The following KDM3A variants were observed in gnomAD, a reference collection of about 807,000 sequenced individuals.
KDM3A encodes lysine demethylase 3A.
KDM3A carries 60 observed loss-of-function variants against 158.0 expected under a neutral mutation model. The ratio of observed to expected loss-of-function variants is 0.38; its 90% CI spans 0.31 to 0.47. The LOEUF (loss-of-function observed/expected upper bound fraction) is 0.47, where lower values mean the gene tolerates loss of function less well. Among genes scored for constraint, KDM3A ranks in the 20% least tolerant of loss-of-function variants. The pLI, the probability that KDM3A is intolerant of heterozygous loss-of-function variation, is 0.99. For synonymous variants in KDM3A, 608 were observed against 549.3 expected (o/e 1.11, Z -1.49); for missense variants, 1,319 against 1,574.3 (o/e 0.84, Z 2.74).
At chr2:86,456,348 A>G (rs1341359592) in intron 5 of KDM3A, 94 bp from the exon 6 acceptor site, 1 of 942,290 alleles carries the variant, frequency 1.1e-6, no homozygotes, top group African/African-American at 1.7e-5. Flanking sequence ...GCGTTTTTTT[A>G]AAAAAGACTT....
At chr2:86,449,376 T>TG (rs1297218604) in intron 2 of KDM3A, among the ~76,000 whole-genome samples, 8 of 152,188 alleles carry the variant, frequency 5.3e-5, no homozygotes, top group African/African-American at 1.4e-4. Context: ...ATTGTGGTGA[T>TG]GGGGGGTCAT....
chr2:86,461,924 A>G (rs1279544961), intron 8 of KDM3A, among the ~76,000 whole-genome samples: 2 of 152,116 alleles, frequency 1.3e-5, no homozygotes, highest in East Asian at 1.9e-4. Context: ...CAGGAGTGGT[A>G]AGGAGACTGG....
chr2:86,466,759 T>C lies in KDM3A; in HGVS notation c.1395T>C (p.Asn465=), dbSNP rs776325230. The part of the protein sequence containing the change: ...VKAGVNSDSP[N]NCSGKKVEPS... ...CAGGTGTCAATAGTGATAGCCCTAA[T>C]AACTGTTCAGGAAAAAAGGTAGAAC... is the stretch of plus-strand genomic sequence containing the variant. Residue 465 remains asparagine (N), a synonymous_variant, in exon 10 of 26, where the codon AAT becomes AAC. Coordinates refer to ENST00000312912, the MANE Select transcript of KDM3A (RefSeq NM_018433.6). 3.1e-6 allele frequency: 5 copies of C among 1,613,730 alleles called. No individual in the cohort carries two copies. The highest frequency in any genetic ancestry group is 4.2e-6 in the Non-Finnish European group (5 of 1,179,844).
In KDM3A at chr2:86,474,956, T is replaced by G; in HGVS notation, c.1905T>G (p.Ser635=). 1 of 1,614,106 alleles carries G rather than the reference T, an allele frequency of 6.2e-7. No individual in the cohort carries two copies. Among genetic ancestry groups the G allele is most frequent in the South Asian group, 1.1e-5 (1 of 91,084 alleles). ...IGDHFCQMVI[S]EKEAMSTIEP... ...ACCACTTCTGTCAAATGGTGATTTC[T>G]GAAAAGGAAGCTATGTCAACTATTG... is the stretch of plus-strand genomic sequence containing the variant. Residue 635 remains serine (S), a synonymous_variant, in exon 12 of 26, where the codon TCT becomes TCG. Coordinates refer to ENST00000312912, the MANE Select transcript of KDM3A (RefSeq NM_018433.6).
At chr2:86,449,498 T>G (rs947773814) in intron 2 of KDM3A, among the ~76,000 whole-genome samples, 2 of 152,214 alleles carry the variant, frequency 1.3e-5, no homozygotes. Flanking sequence ...GTCTAATTAA[T>G]GTATGTAAAC....
At chr2:86,450,623 T>C (rs1468061860) in intron 3 of KDM3A, among the ~76,000 whole-genome samples, 1 of 152,184 alleles carries the variant, frequency 6.6e-6, no homozygotes, top group East Asian at 1.9e-4. Flanking sequence ...AGGTTGGATC[T>C]GGATAGTTTG....
At chr2:86,461,788 G>A (rs999035486) in intron 8 of KDM3A, among the ~76,000 whole-genome samples, 12 of 152,178 alleles carry the variant, frequency 7.9e-5, no homozygotes, top group African/African-American at 2.9e-4. Context: ...GATGTAGCCA[G>A]AGAGATAACA....
upstream of KDM3A, among the ~76,000 whole-genome samples, chr2:86,439,492 T>TC (rs1470241200): frequency 5.9e-5 from 9 of 152,088 alleles, no homozygotes; most frequent in Non-Finnish European, 8.8e-5. Flanking sequence ...TGGATATCTT[T>TC]CCATCTTTTC....
In KDM3A at chr2:86,442,029, TC is replaced by T. The variant is rs778182326; in HGVS notation, c.-17del. 4 of 1,613,342 alleles carry T rather than the reference TC, an allele frequency of 2.5e-6. No individual in the cohort carries two copies. The highest frequency in any genetic ancestry group is 1.1e-5 in the South Asian group (1 of 91,054). On this transcript the variant is annotated 5_prime_UTR_variant, in exon 2 of 26. Transcript: ENST00000312912. ...TTGTGTTTTTGCAGGGAGGAGCTCT[TC>T]CTGCAGGCGTGGAAACCATGGTGCT... is the stretch of plus-strand genomic sequence containing the variant.
At chr2:86,468,064 T>C (rs1673236879) in intron 10 of KDM3A, among the ~76,000 whole-genome samples, 1 of 152,144 alleles carries the variant, frequency 6.6e-6, no homozygotes, top group Non-Finnish European at 1.5e-5. Context: ...GAAAACAATT[T>C]ATTTATTTGG....
At position 86,464,127 on chromosome 2, in the gene KDM3A, G is replaced by A. The variant is rs12714187; in HGVS notation, c.918G>A (p.Ala306=). The change falls in exon 9 of 26, where the codon GCG becomes GCA. Residue 306 remains alanine (A), a synonymous_variant. Transcript: ENST00000312912. ...VFKEILLGCT[A]ATPPSKDPRQ... ...AGGAGATACTGCTTGGCTGTACTGCGGCAACTCCACCTAGTAAGGACCCAA... is the reference window on the plus strand; with the variant it reads ...AGGAGATACTGCTTGGCTGTACTGCAGCAACTCCACCTAGTAAGGACCCAA... 1,224,114 of 1,611,464 alleles carry A rather than the reference G, an allele frequency of 0.76. 469,000 individuals carry two copies. Among genetic ancestry groups the A allele is most frequent in the East Asian group, 0.96 (42,852 of 44,846 alleles).
At chr2:86,458,206 T>A (rs940295813) in intron 8 of KDM3A, among the ~76,000 whole-genome samples, 1 of 152,204 alleles carries the variant, frequency 6.6e-6, no homozygotes, top group African/African-American at 2.4e-5. Flanking sequence ...AAGCTAGCAC[T>A]GTGCCACACA....
At chr2:86,480,748 G>T (rs79190800) in intron 16 of KDM3A, among the ~76,000 whole-genome samples, 3,453 of 152,248 alleles carry the variant, frequency 0.023, 134 homozygotes, top group African/African-American at 0.079. Flanking sequence ...GCTCTTAAAA[G>T]AACTCATAAA....
Position 86,474,769 on chromosome 2 carries a change from C to A in KDM3A, c.1725-7C>A. The stretch of plus-strand genomic sequence containing the variant: ...CATTACATCTTTTTTTCCCCTGCTT[C>A]CCCTAGGTTACAATTCAACAAACAT... On this transcript the variant is annotated splice_polypyrimidine_tract_variant and splice_region_variant and intron_variant, in intron 11 of 25. Coordinates refer to ENST00000312912, the MANE Select transcript of KDM3A (RefSeq NM_018433.6). 6.4e-7 allele frequency: 1 copy of A among 1,556,816 alleles called. No homozygotes were observed. The highest frequency in any genetic ancestry group is 8.8e-7 in the Non-Finnish European group (1 of 1,135,502).
At position 86,489,397 on chromosome 2, in the gene KDM3A, C is replaced by T. The variant is rs1674345894; in HGVS notation, c.3393C>T (p.Val1131=). 2 of 1,613,970 alleles carry T rather than the reference C, an allele frequency of 1.2e-6. No homozygotes were observed. Among genetic ancestry groups the T allele is most frequent in the Non-Finnish European group, 1.7e-6 (2 of 1,179,960 alleles). Residue 1131 remains valine (V), a synonymous_variant, in exon 22 of 26, where the codon GTC becomes GTT. Coordinates refer to ENST00000312912, the MANE Select transcript of KDM3A (RefSeq NM_018433.6). The part of the protein sequence containing the change: ...LDVSDAANVM[V]YVGIPKGQCE... ...TATCTGATGCAGCTAATGTCATGGT[C>T]TATGTGGGAATTCCCAAAGGACAGT...
chr2:86,471,265 A>ATGTGTATATATG (rs1357504559), intron 11 of KDM3A, among the ~76,000 whole-genome samples: 2 of 149,994 alleles, frequency 1.3e-5, no homozygotes, highest in Admixed American at 6.6e-5. Context: ...GTGTATATAT[A>ATGTGTATATATG]TGTGTATATA....
At chr2:86,477,185 G>A (rs115287225) in intron 12 of KDM3A, among the ~76,000 whole-genome samples, 145 of 152,312 alleles carry the variant, frequency 9.5e-4, no homozygotes, top group African/African-American at 3.4e-3. Flanking sequence ...TGGAATCCCC[G>A]GTCGTGCCTT....
chr2:86,449,422 G>A (rs756931075), intron 2 of KDM3A, among the ~76,000 whole-genome samples: 22 of 152,204 alleles, frequency 1.4e-4, no homozygotes, highest in Non-Finnish European at 2.6e-4. Flanking sequence ...GACAATTACA[G>A]TGCAGTTTTA....
In KDM3A at chr2:86,482,678, GC is replaced by G; in HGVS notation, c.2907del (p.Trp970GlyfsTer7). 3 of 1,613,956 alleles carry G rather than the reference GC, an allele frequency of 1.9e-6. No homozygotes were observed. Among genetic ancestry groups the G allele is most frequent in the Non-Finnish European group, 2.5e-6 (3 of 1,180,008 alleles). On this transcript the variant is annotated frameshift_variant, in exon 18 of 26. Transcript: ENST00000312912. LOFTEE classifies it high-confidence loss of function. ...NKSNWNVFRECWKQGQPVMVS... is the reference protein window; with the variant it reads ...NKSNWNVFREXWKQGQPVMVS... ...AGCAACTGGAATGTGTTTAGGGAGT[GC>G]TGGAAACAAGGGCAGGTAATGTAGG...
Sources: gnomAD v4.1 joint callset for allele counts (sites outside exome capture counted in the v4.1 genomes callset) on GRCh38, gnomAD v4.1.1 for gene constraint, MANE v1.5 for transcripts, NCBI Gene and HGNC (gene_info 2026-07-23, HGNC 2026-07-21) for gene names.